Variants in AP1B1 observed in about 807,000 individuals in gnomAD.
AP1B1 encodes the protein adaptor related protein complex 1 subunit beta 1.
In AP1B1, 36 loss-of-function variants were observed where a neutral mutation model predicts 104.3. The ratio of observed to expected loss-of-function variants is 0.35; its 90% CI spans 0.26 to 0.46. AP1B1 has a LOEUF of 0.46. AP1B1 is among the 20% of genes least tolerant of loss of function. The pLI, the probability that AP1B1 is intolerant of heterozygous loss-of-function variation, is 1.00. For missense variants in AP1B1, 901 were observed against 1,247.9 expected (o/e 0.72, Z 4.19); for synonymous variants, 504 against 517.5 (o/e 0.97, Z 0.35).
chr22:29,362,130 A>T (rs1353410175), intron 3 of AP1B1, among the ~76,000 whole-genome samples: 3 of 152,146 alleles, frequency 2.0e-5, no homozygotes, highest in Non-Finnish European at 4.4e-5. Context: ...AAGCTGGGTC[A>T]CTGGGCGCTC....
rs773396944 is a variant in AP1B1 at position 29,351,185 on chromosome 22, C to T, written c.1141G>A (p.Ala381Thr). ...CAGAGCCTCACCTCCACCTTGATGGCGCAGCGGCCAATAGCACGCACAGCC... is the reference window on the plus strand; with the variant it reads ...CAGAGCCTCACCTCCACCTTGATGGTGCAGCGGCCAATAGCACGCACAGCC... ...RKAVRAIGRC[A>T]IKVEQSAERC... The change falls in exon 9 of 23, where the codon GCC becomes ACC. Residue 381 changes from alanine to threonine, a missense_variant. By Grantham distance (58) the Ala-to-Thr change is moderately conservative. This residue lies in a region of AP1B1 where 471 missense variants were observed against 696.7 expected (regional missense o/e 0.68). Coordinates refer to ENST00000357586, the MANE Select transcript of AP1B1 (RefSeq NM_001127.4). The T allele has an allele frequency of 7.4e-6, 12 of 1,612,426 alleles. No homozygotes were observed. Among genetic ancestry groups the T allele is most frequent in the Admixed American group, 1.7e-5 (1 of 59,972 alleles).
At chr22:29,330,069 A>AGGGCCT in intron 21 of AP1B1, 1 of 1,412,064 alleles carries the variant, frequency 7.1e-7, no homozygotes, top group Non-Finnish European at 9.2e-7. Flanking sequence ...GGACAGGGCC[A>AGGGCCT]GGGCCTGTGC....
intron 7 of AP1B1, among the ~76,000 whole-genome samples, chr22:29,353,328 G>A (rs910527590): frequency 3.3e-5 from 5 of 152,174 alleles, no homozygotes; most frequent in Non-Finnish European, 7.3e-5. Context: ...GCAAGACCCC[G>A]AGCTGGGTAG....
intron 1 of AP1B1, among the ~76,000 whole-genome samples, chr22:29,387,945 C>T (rs921106365): frequency 6.6e-6 from 1 of 152,218 alleles, no homozygotes; most frequent in East Asian, 1.9e-4. Flanking sequence ...GTTAACTTGT[C>T]TTAGAGGCTC....
rs2147923584 is a variant in AP1B1, at chr22:29,328,678, T to TG, written c.*142dup. 9.7e-7 allele frequency: 1 copy of TG among 1,026,422 alleles called. No homozygotes were observed. Among genetic ancestry groups the TG allele is most frequent in the East Asian group, 2.6e-5 (1 of 37,982 alleles). 63.6% of individuals were successfully genotyped at this position (1,026,422 alleles called of 1,614,324 possible). A position where few individuals can be genotyped will look rare whatever the true frequency, so the allele number is the denominator to read the frequency against. On this transcript the variant is annotated 3_prime_UTR_variant, in exon 23 of 23. Transcript: ENST00000357586. This position sits in a 1 kb window ranked among gnomAD's most constrained non-coding sequence, Gnocchi z 4.1. The stretch of plus-strand genomic sequence containing the variant: ...GTGGTGCCCTACCCCAGGGATCGGG[T>TG]GGGTTCTGCCATCAGGACCAGGGAG...
intron 2 of AP1B1, among the ~76,000 whole-genome samples, chr22:29,363,572 C>A (rs539187386): frequency 3.3e-5 from 5 of 151,630 alleles, no homozygotes; most frequent in Non-Finnish European, 7.4e-5. Context: ...TGCTTGAATC[C>A]GGGAGGTGGA....
chr22:29,329,196 CT>C, intron 22 of AP1B1: 3 of 1,239,920 alleles, frequency 2.4e-6, no homozygotes, highest in Non-Finnish European at 3.1e-6. Context: ...GGCCCCCACC[CT>C]GAGGGCTGCC....
At chr22:29,343,997 G>A (rs2061751708) in intron 11 of AP1B1, among the ~76,000 whole-genome samples, 1 of 151,772 alleles carries the variant, frequency 6.6e-6, no homozygotes. Context: ...TGTAATCCCA[G>A]CTACTCGGAG....
intron 9 of AP1B1, 85 bp downstream of exon 9, chr22:29,351,086 G>T: frequency 7.5e-7 from 1 of 1,330,148 alleles, no homozygotes. Flanking sequence ...CAAGCAAGCT[G>T]GCAGATTCTG....
At chr22:29,360,194 T>C (rs2062023739) in intron 3 of AP1B1, among the ~76,000 whole-genome samples, 1 of 152,190 alleles carries the variant, frequency 6.6e-6, no homozygotes, top group Non-Finnish European at 1.5e-5. Context: ...TCTTTTCATA[T>C]AGTTCAAACA....
chr22:29,360,938 G>T (rs2062035521), intron 3 of AP1B1, among the ~76,000 whole-genome samples: 1 of 152,178 alleles, frequency 6.6e-6, no homozygotes. Flanking sequence ...CAACAGGCAG[G>T]AGTCCTGCCA....
intron 11 of AP1B1, among the ~76,000 whole-genome samples, chr22:29,344,805 C>T (rs1433693361): frequency 6.6e-6 from 1 of 151,918 alleles, no homozygotes; most frequent in African/African-American, 2.4e-5. Context: ...AGGCGTGAGC[C>T]CAGCTGCTGA....
intron 7 of AP1B1, among the ~76,000 whole-genome samples, chr22:29,354,430 C>T (rs776215514): frequency 3.3e-5 from 5 of 152,180 alleles, no homozygotes; most frequent in South Asian, 2.1e-4. Context: ...CACTAGAAGC[C>T]GGTAGCATGC....
intron 1 of AP1B1, among the ~76,000 whole-genome samples, chr22:29,384,660 G>A (rs1414091512): frequency 6.6e-6 from 1 of 152,042 alleles, no homozygotes; most frequent in Non-Finnish European, 1.5e-5. Flanking sequence ...TTGAGGTCAG[G>A]AGTTCGAGAC....
rs114768814 is a variant in AP1B1, at chr22:29,349,136, G to A, written c.1437+82C>T. On this transcript the variant is annotated intron_variant, in intron 11 of 22. Coordinates refer to ENST00000357586, the MANE Select transcript of AP1B1 (RefSeq NM_001127.4). ...AGGGCTGTTTACGAGGTAATAGGAAGGGAGGGTTTCATGGCAGTATGGGCC... is the reference window on the plus strand; with the variant it reads ...AGGGCTGTTTACGAGGTAATAGGAAAGGAGGGTTTCATGGCAGTATGGGCC... The A allele has an allele frequency of 1.4e-3, 2,142 of 1,522,622 alleles. 29 individuals carry two copies. The African/African-American group carries it at 0.025, about 18-fold the overall frequency. 94.3% of individuals were successfully genotyped at this position (1,522,622 alleles called of 1,614,324 possible).
At position 29,366,833 on chromosome 22, in the gene AP1B1, GACACACACACACAC is replaced by G. The variant is rs200885223; in HGVS notation, c.37+360_37+373del. On this transcript the variant is annotated intron_variant, in intron 2 of 22. Transcript: ENST00000357586. Reference sequence around the variant, plus strand: ...AGAAAAACACGTGCCCTTGGATAAGGACACACACACACACACACACACACACACACACACACACA... The same window carrying G: ...AGAAAAACACGTGCCCTTGGATAAGGACACACACACACACACACACACACA... Among the ~76,000 whole-genome samples, 123 of 131,402 alleles carry G rather than the reference GACACACACACACAC, an allele frequency of 9.4e-4. 1 individual carries two copies. The highest frequency in any genetic ancestry group is 3.8e-3 in the South Asian group (14 of 3,642). The allele number at this position is 131,402 out of a possible 152,430, so 86.2% of individuals were successfully genotyped here.
intron 11 of AP1B1, among the ~76,000 whole-genome samples, chr22:29,345,067 C>CT (rs546985595): frequency 1.9e-3 from 295 of 151,384 alleles, no homozygotes; most frequent in African/African-American, 6.6e-3. Context: ...AACAAGTATT[C>CT]TTTTTTTTTG....
chr22:29,350,014 C>T (rs764120923), intron 10 of AP1B1, 21 bp downstream of exon 10: 56 of 1,582,820 alleles, frequency 3.5e-5, no homozygotes, highest in Non-Finnish European at 4.5e-5. Flanking sequence ...ATGCCCTCTC[C>T]CTAGGAGGGC....
intron 11 of AP1B1, among the ~76,000 whole-genome samples, chr22:29,345,328 G>T (rs1270717279): frequency 1.3e-5 from 2 of 149,430 alleles, no homozygotes; most frequent in African/African-American, 2.5e-5. Flanking sequence ...AAAGTGCTGG[G>T]TTACAGGCAT....
Sources: allele counts gnomAD v4.1 joint callset (sites outside exome capture counted in the v4.1 genomes callset), GRCh38; gene constraint gnomAD v4.1.1; regional missense constraint gnomAD v4.1.1; non-coding constraint Gnocchi (gnomAD v3.1); transcripts MANE v1.5; gene names NCBI Gene and HGNC (gene_info 2026-07-23, HGNC 2026-07-21).